Variants in ADGRF1 observed in about 807,000 individuals in gnomAD.
ADGRF1 encodes the protein G protein-coupled receptor 110.
Under a neutral mutation model 87.2 loss-of-function variants are expected in ADGRF1, and 85 were observed. That is an observed-to-expected ratio of 0.97 (90% confidence interval 0.82 to 1.17). The LOEUF (loss-of-function observed/expected upper bound fraction) is 1.17, where lower values mean the gene tolerates loss of function less well. Ranked by LOEUF, ADGRF1 falls within the 50% of genes most tolerant of loss-of-function variation. The pLI is 0.00. For missense variants in ADGRF1, 1,169 were observed against 1,077.2 expected (o/e 1.09, Z -1.19); for synonymous variants, 430 against 408.8 (o/e 1.05, Z -0.63).
At chr6:47,032,120 G>A (rs767231285) in intron 1 of ADGRF1, among the ~76,000 whole-genome samples, 16 of 152,202 alleles carry the variant, frequency 1.1e-4, no homozygotes, top group South Asian at 1.0e-3. Context: ...AGGGGAAAGC[G>A]GCTGAGGGAG....
chr6:47,000,686 C>G (rs1040697521), intron 14 of ADGRF1, among the ~76,000 whole-genome samples: 3 of 152,136 alleles, frequency 2.0e-5, no homozygotes, highest in Non-Finnish European at 4.4e-5. Context: ...GCAATAACAA[C>G]AGAACCCAAG....
intron 11 of ADGRF1, 26 bp from the exon 12 acceptor site, chr6:47,007,320 ATGTAT>A (rs757199883): frequency 7.3e-6 from 10 of 1,362,698 alleles, no homozygotes; most frequent in African/African-American, 7.2e-5. Context: ...AATAAATCAC[ATGTAT>A]TGTATTTTTC....
chr6:47,005,758 G>T, intron 13 of ADGRF1, 59 bp downstream of exon 13: 1 of 1,267,896 alleles, frequency 7.9e-7, no homozygotes, highest in Non-Finnish European at 1.1e-6. Flanking sequence ...ACTGTATAAA[G>T]AGAAGAATGC....
chr6:47,013,374 G>T, intron 9 of ADGRF1: 1 of 984,988 alleles, frequency 1.0e-6, no homozygotes, highest in Non-Finnish European at 1.2e-6. Context: ...GTTTACAGAT[G>T]AGGAAACTGA....
intron 7 of ADGRF1, 125 bp from the exon 8 acceptor site, chr6:47,016,893 T>C: frequency 7.6e-7 from 1 of 1,312,920 alleles, no homozygotes; most frequent in Non-Finnish European, 9.8e-7. Flanking sequence ...TACATTCTAG[T>C]GGATAAGGCA....
At chr6:47,034,345 T>A (rs770349693) in intron 1 of ADGRF1, among the ~76,000 whole-genome samples, 7 of 152,252 alleles carry the variant, frequency 4.6e-5, no homozygotes, top group Admixed American at 2.0e-4. Flanking sequence ...TCATCTTTAT[T>A]CTTGTTTTCT....
At position 47,030,275 on chromosome 6, in the gene ADGRF1, G is replaced by A. The variant is rs1582185383; in HGVS notation, c.-43-1171C>T. Among the ~76,000 whole-genome samples, 4 of 152,308 alleles carry A rather than the reference G, an allele frequency of 2.6e-5. No individual in the cohort carries two copies. In the South Asian group the frequency reaches 8.3e-4, roughly 32 times the overall value. On this transcript the variant is annotated intron_variant, in intron 1 of 14. Coordinates refer to ENST00000371253, the MANE Select transcript of ADGRF1 (RefSeq NM_153840.4). ...TAGGGGAGCATGAAAAATAGGCAAC[G>A]TGACATGTACAGCTTTTGAATTTAC...
At chr6:47,020,064 C>T in intron 7 of ADGRF1, 1 of 1,001,944 alleles carries the variant, frequency 1.0e-6, no homozygotes, top group Non-Finnish European at 1.2e-6. Context: ...CGACAACCCG[C>T]AACCCTTATC....
Position 47,005,817 on chromosome 6 carries a change from CT to C in ADGRF1, c.2591del (p.Lys864SerfsTer40). 1.2e-6 allele frequency: 2 copies of C among 1,608,600 alleles called. No homozygotes were observed. Among genetic ancestry groups the C allele is most frequent in the Middle Eastern group, 3.3e-4 (2 of 6,044 alleles). On this transcript the variant is annotated frameshift_variant and splice_region_variant, in exon 13 of 15. Coordinates refer to ENST00000371253, the MANE Select transcript of ADGRF1 (RefSeq NM_153840.4). LOFTEE classifies it high-confidence loss of function. The stretch of plus-strand genomic sequence containing the variant: ...ATTCATGGCAGTAGGAGATAATTAC[CT>C]TTTCTGTTTGCTTCCAAGAACTTAA... ...SALSSWKQTE[K>X]QNSSDLSAKP...
intron 7 of ADGRF1, chr6:47,019,132 T>G (rs948137952): frequency 3.2e-5 from 10 of 314,538 alleles, no homozygotes; most frequent in Non-Finnish European, 4.6e-5. Flanking sequence ...TGTGCCTACT[T>G]TTACTGTGAT....
intron 8 of ADGRF1, among the ~76,000 whole-genome samples, chr6:47,016,164 G>A (rs75987418): frequency 4.6e-5 from 7 of 152,262 alleles, no homozygotes; most frequent in African/African-American, 1.4e-4. Context: ...GGTAGGAAAG[G>A]CGTAAGATTG....
intron 1 of ADGRF1, among the ~76,000 whole-genome samples, chr6:47,033,814 CT>C (rs898260258): frequency 1.3e-5 from 2 of 152,184 alleles, no homozygotes; most frequent in African/African-American, 4.8e-5. Context: ...CTGTGTGTTT[CT>C]GTAACTGAAC....
intron 4 of ADGRF1, 46 bp downstream of exon 4, chr6:47,025,808 A>T: frequency 2.0e-6 from 3 of 1,521,598 alleles, no homozygotes; most frequent in Non-Finnish European, 2.7e-6. Flanking sequence ...TGACTGATAT[A>T]CCCGCCTTCC....
chr6:47,022,272 G>T (rs1780081801), intron 5 of ADGRF1, among the ~76,000 whole-genome samples: 1 of 152,192 alleles, frequency 6.6e-6, no homozygotes, highest in South Asian at 2.1e-4. Flanking sequence ...GGAAGTGCTG[G>T]TAATCAAGGC....
intron 2 of ADGRF1, 44 bp downstream of exon 2, chr6:47,028,949 G>A (rs375963232): frequency 1.5e-4 from 221 of 1,488,388 alleles, no homozygotes; most frequent in Non-Finnish European, 2.0e-4. Context: ...GAACGAGAGA[G>A]GAGAGTTAGT....
At chr6:47,022,804 C>CTTTTTTTTTTTTTTTTTTTTTTT (rs11286179) in intron 5 of ADGRF1, among the ~76,000 whole-genome samples, 2 of 119,274 alleles carry the variant, frequency 1.7e-5, no homozygotes, top group Admixed American at 8.7e-5. Flanking sequence ...TTTCTTTTTT[C>CTTTTTTTTTTTTTTTTTTTTTTT]TTTTTTTTTT....
At position 47,009,395 on chromosome 6, in the gene ADGRF1, G is replaced by A; in HGVS notation, c.2040C>T (p.Ile680=). ...CGAGGATGATCCGGTAAGCCAGCAG[G>A]ATGCCAAGCATGAGCATCCAGAAGA... ...SLFFWMLMLG[I]LLAYRIILVF... The change falls in exon 11 of 15, where the codon ATC becomes ATT. Residue 680 remains isoleucine, a synonymous_variant. Coordinates refer to ENST00000371253, the MANE Select transcript of ADGRF1 (RefSeq NM_153840.4). 1 of 1,614,086 alleles carries A rather than the reference G, an allele frequency of 6.2e-7. No homozygotes were observed. The highest frequency in any genetic ancestry group is 8.5e-7 in the Non-Finnish European group (1 of 1,179,980).
At chr6:47,032,183 A>G (rs1472686630) in intron 1 of ADGRF1, among the ~76,000 whole-genome samples, 1 of 152,170 alleles carries the variant, frequency 6.6e-6, no homozygotes, top group African/African-American at 2.4e-5. Flanking sequence ...AAAAAAATAA[A>G]AATAAAATAA....
At position 47,010,197 on chromosome 6, in the gene ADGRF1, G is replaced by C; in HGVS notation, c.1238C>G (p.Thr413Ser). The C allele has an allele frequency of 6.2e-7, 1 of 1,614,096 alleles. No homozygotes were observed. The highest frequency in any genetic ancestry group is 8.5e-7 in the Non-Finnish European group (1 of 1,180,002). Residue 413 changes from threonine to serine, a missense_variant, in exon 11 of 15, where the codon ACT (threonine) becomes AGT (serine). Transcript: ENST00000371253. ...AGGAAGAGCTGTCGGAGGCACCAGA[G>C]TGCTGATGTTTTCTAATGTCTCTAG... Reference protein sequence around the residue: ...RLLETLENISTLVPPTALPLN... With the variant: ...RLLETLENISSLVPPTALPLN...
Sources: allele counts gnomAD v4.1 joint callset (sites outside exome capture counted in the v4.1 genomes callset), GRCh38; gene constraint gnomAD v4.1.1; transcripts MANE v1.5; gene names NCBI Gene and HGNC (gene_info 2026-07-23, HGNC 2026-07-21).